CACNA2D3: variants seen among roughly 807,000 people sequenced by gnomAD.
CACNA2D3 encodes the protein calcium voltage-gated channel auxiliary subunit alpha2delta 3, also known as voltage-dependent calcium channel subunit alpha-2/delta-3.
Under a neutral mutation model 160.6 loss-of-function variants are expected in CACNA2D3, and 60 were observed. The observed-to-expected ratio is 0.37, with a 90% CI of 0.30 to 0.46. CACNA2D3 has a LOEUF of 0.46. Ranked by LOEUF, CACNA2D3 falls within the 20% of genes least tolerant of loss-of-function variation. CACNA2D3 has a pLI of 1.00. For missense variants in CACNA2D3, 1,205 were observed against 1,365.0 expected (o/e 0.88, Z 1.85); for synonymous variants, 558 against 492.9 (o/e 1.13, Z -1.75).
chr3:54,529,473 A>G (rs992024519), intron 5 of CACNA2D3, among the ~76,000 whole-genome samples: 2 of 152,162 alleles, frequency 1.3e-5, no homozygotes, highest in African/African-American at 4.8e-5. Context: ...AAAGACCTGG[A>G]TTTGACCCCT....
intron 11 of CACNA2D3, among the ~76,000 whole-genome samples, chr3:54,736,035 G>GTATGTA (rs1701500873): frequency 4.0e-5 from 2 of 50,300 alleles, no homozygotes; most frequent in East Asian, 7.2e-4. Context: ...ATATATATAT[G>GTATGTA]TATATATATA....
intron 27 of CACNA2D3, among the ~76,000 whole-genome samples, chr3:54,952,938 CA>C (rs1436747237): frequency 6.6e-6 from 1 of 152,162 alleles, no homozygotes; most frequent in African/African-American, 2.4e-5. Flanking sequence ...GGAAACTTTT[CA>C]TAGGGATTTG....
At chr3:54,721,156 C>A (rs1701162695) in intron 11 of CACNA2D3, among the ~76,000 whole-genome samples, 1 of 152,006 alleles carries the variant, frequency 6.6e-6, no homozygotes, top group Admixed American at 6.6e-5. Flanking sequence ...TAGCACTTTT[C>A]CCACTTATAT....
At chr3:54,634,940 G>T (rs1699332222) in intron 10 of CACNA2D3, among the ~76,000 whole-genome samples, 1 of 152,004 alleles carries the variant, frequency 6.6e-6, no homozygotes, top group Admixed American at 6.5e-5. Flanking sequence ...TGACATTCCT[G>T]CCTTCTTAAT....
chr3:54,249,557 G>T (rs867057483), intron 2 of CACNA2D3, among the ~76,000 whole-genome samples: 8 of 71,062 alleles, frequency 1.1e-4, no homozygotes, highest in Non-Finnish European at 5.3e-5. Flanking sequence ...CTCTGTTTAC[G>T]TACACACACA....
At chr3:54,803,172 C>T (rs962297754) in intron 13 of CACNA2D3, among the ~76,000 whole-genome samples, 14 of 152,320 alleles carry the variant, frequency 9.2e-5, no homozygotes, top group Non-Finnish European at 1.3e-4. Flanking sequence ...TCCAAAAGAA[C>T]GCAGTTCCTC....
intron 4 of CACNA2D3, among the ~76,000 whole-genome samples, chr3:54,476,800 G>T (rs1276885748): frequency 6.6e-6 from 1 of 152,058 alleles, no homozygotes; most frequent in African/African-American, 2.4e-5. Context: ...TATCTATCTT[G>T]GGTATTAACC....
intron 27 of CACNA2D3, among the ~76,000 whole-genome samples, chr3:54,956,092 T>G (rs1012784597): frequency 1.3e-5 from 2 of 152,148 alleles, no homozygotes; most frequent in Non-Finnish European, 2.9e-5. Context: ...TCCCTCCTCA[T>G]AATCACCTCA....
At chr3:54,977,098 T>G (rs1303866147) in intron 29 of CACNA2D3, among the ~76,000 whole-genome samples, 2 of 152,194 alleles carry the variant, frequency 1.3e-5, no homozygotes, top group Non-Finnish European at 2.9e-5. Flanking sequence ...GGCCAGGAGT[T>G]TAGTGTTTCT....
At chr3:54,582,317 T>C (rs139899502) in intron 9 of CACNA2D3, among the ~76,000 whole-genome samples, 2 of 152,302 alleles carry the variant, frequency 1.3e-5, no homozygotes, top group Non-Finnish European at 2.9e-5. Flanking sequence ...AGGAATGCTG[T>C]CTGCTCACTA....
chr3:54,996,107 GCCTCA>G (rs1702852844), intron 31 of CACNA2D3, among the ~76,000 whole-genome samples: 1 of 152,184 alleles, frequency 6.6e-6, no homozygotes, highest in Non-Finnish European at 1.5e-5. Flanking sequence ...CATTTATTAA[GCCTCA>G]ATGACATGCC....
chr3:54,876,759 TA>T (rs1204424438), intron 18 of CACNA2D3, among the ~76,000 whole-genome samples: 1 of 152,188 alleles, frequency 6.6e-6, no homozygotes, highest in East Asian at 1.9e-4. Context: ...TTGAGGGGTT[TA>T]AAATCTGTGC....
intron 11 of CACNA2D3, among the ~76,000 whole-genome samples, chr3:54,744,753 C>A (rs1701721045): frequency 6.6e-6 from 1 of 152,328 alleles, no homozygotes; most frequent in East Asian, 1.9e-4. Context: ...AGTTTCACTG[C>A]AGCAAGTTAT....
At chr3:54,200,402 T>C (rs1470822480) in intron 2 of CACNA2D3, among the ~76,000 whole-genome samples, 8 of 152,242 alleles carry the variant, frequency 5.3e-5, no homozygotes. Flanking sequence ...CACAAAATGC[T>C]CTATTAAGTT....
chr3:54,895,098 C>T (rs113169096), intron 25 of CACNA2D3, among the ~76,000 whole-genome samples: 3,741 of 152,214 alleles, frequency 0.025, 58 homozygotes, highest in Non-Finnish European at 0.034. Context: ...TTTTGACCTA[C>T]AATTACCTAG....
At chr3:54,350,968 G>GTTTTGT (rs1698543203) in intron 3 of CACNA2D3, among the ~76,000 whole-genome samples, 2 of 56,106 alleles carry the variant, frequency 3.6e-5, no homozygotes, top group African/African-American at 6.4e-5. Context: ...TCTTGAGTCT[G>GTTTTGT]TTTTTTTTTT....
At position 54,514,674 on chromosome 3, in the gene CACNA2D3, C is replaced by T. The variant is rs368054538; in HGVS notation, c.544+11020C>T. On this transcript the variant is annotated intron_variant, in intron 5 of 37. Coordinates refer to ENST00000474759, the MANE Select transcript of CACNA2D3 (RefSeq NM_018398.3). Reference sequence around the variant, plus strand: ...AAGAGTGTATCCCACAGCAGCTCAGCCTGGGTGAACTGGGAAGGTGGGGGT... The same window carrying T: ...AAGAGTGTATCCCACAGCAGCTCAGTCTGGGTGAACTGGGAAGGTGGGGGT... 2.0e-5 allele frequency among the ~76,000 whole-genome samples: 3 copies of T among 152,174 alleles called. 1 individual carries two copies.
At chr3:54,791,170 A>G (rs1460168603) in intron 13 of CACNA2D3, among the ~76,000 whole-genome samples, 2 of 152,194 alleles carry the variant, frequency 1.3e-5, no homozygotes, top group Admixed American at 6.5e-5. Context: ...GTCCTAATCA[A>G]TTGATTCCAT....
At chr3:54,881,620 G>T (rs936730890) in intron 21 of CACNA2D3, among the ~76,000 whole-genome samples, 5 of 152,150 alleles carry the variant, frequency 3.3e-5, no homozygotes, top group Admixed American at 1.3e-4. Flanking sequence ...GTTTCTGAAG[G>T]GCACCACTCC....
Sources: gnomAD v4.1 joint callset for allele counts (sites outside exome capture counted in the v4.1 genomes callset) on GRCh38, gnomAD v4.1.1 for gene constraint, MANE v1.5 for transcripts, NCBI Gene and HGNC (gene_info 2026-07-23, HGNC 2026-07-21) for gene names.